The following INSL6 variants were observed in gnomAD, a reference collection of about 807,000 sequenced individuals.
The protein encoded by INSL6 is insulin-like peptide INSL6.
A neutral mutation model predicts 9.4 loss-of-function variants in INSL6; 16 were observed. The observed-to-expected ratio is 1.70, with a 90% CI of 1.15 to 2.59. The LOEUF is 2.59. Ranked by LOEUF, INSL6 falls within the 30% of genes most tolerant of loss-of-function variation. The pLI is 0.00. For missense variants in INSL6, 391 were observed against 257.3 expected (o/e 1.52, Z -3.56); for synonymous variants, 154 against 96.9 (o/e 1.59, Z -3.46).
At chr9:5,112,319 G>A in the INSL6 span, 1 of 282,482 alleles carries the variant, frequency 3.5e-6, no homozygotes, top group Non-Finnish European at 6.8e-6. Context: ...CTAGCCAGGC[G>A]CCCTCCCCGA....
chr9:5,084,980 G>A, the INSL6 span: 2 of 789,822 alleles, frequency 2.5e-6, no homozygotes, highest in Non-Finnish European at 2.1e-6. Context: ...CTGCCAGAAA[G>A]AACAGAAAGA....
At chr9:5,010,375 G>A in the INSL6 span, among the ~76,000 whole-genome samples, 1 of 131,696 alleles carries the variant, frequency 7.6e-6, no homozygotes, top group Non-Finnish European at 1.6e-5. Flanking sequence ...CCAGGCTGGA[G>A]TGCAGTAAAC....
the INSL6 span, chr9:5,041,446 C>T: frequency 1.2e-4 from 74 of 616,592 alleles, 1 homozygote; most frequent in African/African-American, 7.0e-4. Context: ...TGTGCAGCAG[C>T]CTCCCCTGGC....
At position 5,185,453 on chromosome 9, in the gene INSL6, C is replaced by T. The variant is rs1481136336; in HGVS notation, c.150G>A (p.Trp50Ter). Residue 50 changes from tryptophan to a stop codon, truncating the protein, a stop_gained, in exon 1 of 2, where the codon TGG (tryptophan) becomes TGA (stop). Transcript: ENST00000381641. LOFTEE classifies it high-confidence loss of function. Reference sequence around the variant, plus strand: ...TTTCCTCCTCGAAACGGAACTGGCTCCAGTTGGCATGGCCGCAGAGTTTTT... The same window carrying T: ...TTTCCTCCTCGAAACGGAACTGGCTTCAGTTGGCATGGCCGCAGAGTTTTT... ...EIEKLCGHAN[W>*]SQFRFEEETP... is the part of the protein sequence containing the mutation. 3 of 1,614,066 alleles carry T rather than the reference C, an allele frequency of 1.9e-6. No individual in the cohort carries two copies. The African/African-American group carries it at 4.0e-5, about 22-fold the overall frequency.
the INSL6 span, chr9:5,109,165 G>T: frequency 4.1e-4 from 63 of 152,210 alleles, no homozygotes; most frequent in African/African-American, 1.5e-3. Context: ...ACAACACAAT[G>T]AGGGACACTT....
the INSL6 span, among the ~76,000 whole-genome samples, chr9:5,060,116 CATT>C: frequency 1.3e-5 from 2 of 152,130 alleles, no homozygotes; most frequent in African/African-American, 4.8e-5. Flanking sequence ...TGTGCAACAG[CATT>C]ATGTCTTAAA....
chr9:5,164,092 T>C lies in INSL6; in HGVS notation c.463A>G (p.Ile155Val), dbSNP rs1319201154. The stretch of plus-strand genomic sequence containing the variant: ...CAAAACAAATTGCTTAAGGTTTTAA[T>C]TTTGTTTCTACGTTTCTTCTGAAAT... ...AKFQKKRRNK[I>V]KTLSNLFWGH... Residue 155 changes from isoleucine (I) to valine (V), a missense_variant, in exon 2 of 2, where the codon ATT becomes GTT. Ile to Val is a conservative substitution (Grantham distance 29, BLOSUM62 3). Transcript: ENST00000381641. 1 of 1,613,370 alleles carries C rather than the reference T, an allele frequency of 6.2e-7. No individual in the cohort carries two copies. Among genetic ancestry groups the C allele is most frequent in the Non-Finnish European group, 8.5e-7 (1 of 1,179,798 alleles).
the INSL6 span, chr9:5,095,018 AGGAAATATGTCT>A: frequency 6.6e-6 from 1 of 151,976 alleles, no homozygotes. Context: ...CCCCAAACAT[AGGAAATATGTCT>A]GACAAAAGAA....
intron 3 of INSL6, chr9:5,127,316 T>A (rs550137221): frequency 3.4e-5 from 8 of 232,330 alleles, no homozygotes; most frequent in African/African-American, 1.8e-4. Flanking sequence ...TTCAGATAAT[T>A]GAATAAGTAC....
chr9:5,085,750 T>A, the INSL6 span: 2 of 754,930 alleles, frequency 2.6e-6, no homozygotes, highest in African/African-American at 3.4e-5. Flanking sequence ...GCGCGCTGGC[T>A]AGCTTGCACA....
the INSL6 span, chr9:5,111,030 G>A: frequency 4.6e-6 from 4 of 868,782 alleles, no homozygotes; most frequent in South Asian, 2.8e-5. Flanking sequence ...CCGCCTCCCT[G>A]GCCGGGGCGC....
the INSL6 span, among the ~76,000 whole-genome samples, chr9:5,026,797 T>C: frequency 4.6e-5 from 7 of 152,224 alleles, no homozygotes; most frequent in Non-Finnish European, 5.9e-5. Context: ...TTAGGTATTC[T>C]CTTGGTTTTT....
At chr9:5,083,265 C>T in the INSL6 span, among the ~76,000 whole-genome samples, 1 of 152,160 alleles carries the variant, frequency 6.6e-6, no homozygotes, top group Admixed American at 6.5e-5. Flanking sequence ...AGCAGAGACT[C>T]TGTCTATTAA....
chr9:5,153,031 T>A (rs1824741803), intron 2 of INSL6, among the ~76,000 whole-genome samples: 1 of 152,042 alleles, frequency 6.6e-6, no homozygotes, highest in African/African-American at 2.4e-5. Flanking sequence ...TTTCCCATGG[T>A]CCTCGCAATC....
chr9:5,005,793 C>T, the INSL6 span, among the ~76,000 whole-genome samples: 2 of 152,124 alleles, frequency 1.3e-5, no homozygotes, highest in African/African-American at 4.8e-5. Flanking sequence ...ATTACATTTT[C>T]TATGTGGAAA....
chr9:5,040,334 G>A, the INSL6 span, among the ~76,000 whole-genome samples: 709 of 151,138 alleles, frequency 4.7e-3, 6 homozygotes, highest in African/African-American at 0.016. Context: ...CTATATATGA[G>A]AGCTAAACTT....
chr9:5,184,577 A>G (rs1825527614), intron 1 of INSL6, among the ~76,000 whole-genome samples: 1 of 152,226 alleles, frequency 6.6e-6, no homozygotes, highest in Admixed American at 6.5e-5. Flanking sequence ...AATAGTCCCT[A>G]TAATACAGTA....
the INSL6 span, among the ~76,000 whole-genome samples, chr9:5,072,307 C>G: frequency 6.6e-6 from 1 of 152,108 alleles, no homozygotes; most frequent in Non-Finnish European, 1.5e-5. Flanking sequence ...TGTTTTCTGT[C>G]TCTTATTACT....
At chr9:5,169,101 T>C (rs1417477949) in intron 1 of INSL6, among the ~76,000 whole-genome samples, 3 of 152,112 alleles carry the variant, frequency 2.0e-5, no homozygotes, top group Non-Finnish European at 4.4e-5. Flanking sequence ...TAATTTTGTA[T>C]TTTTAGTAAA....
Sources: allele counts gnomAD v4.1 joint callset (sites outside exome capture counted in the v4.1 genomes callset), GRCh38; gene constraint gnomAD v4.1.1; transcripts MANE v1.5; gene names NCBI Gene and HGNC (gene_info 2026-07-23, HGNC 2026-07-21).